Variants in DNAI3 observed in about 807,000 individuals in gnomAD.
DNAI3 encodes dynein axonemal intermediate chain 3, also known as WD repeat domain 63.
Under a neutral mutation model 115.5 loss-of-function variants are expected in DNAI3, and 83 were observed. That is an observed-to-expected ratio of 0.72 (90% CI 0.60 to 0.86). The LOEUF is 0.86. Ranked by LOEUF, DNAI3 falls within the 40% of genes least tolerant of loss-of-function variation. The pLI is 0.00. For missense variants in DNAI3, 1,004 were observed against 1,075.8 expected, an observed-to-expected ratio of 0.93 and a Z score of 0.93; for synonymous variants, 320 against 347.0, an observed-to-expected ratio of 0.92 and a Z score of 0.86.
At chr1:85,074,748 G>T (rs1469091881) in intron 3 of DNAI3, among the ~76,000 whole-genome samples, 1 of 152,162 alleles carries the variant, frequency 6.6e-6, no homozygotes, top group Non-Finnish European at 1.5e-5. Flanking sequence ...CACAGGGTTA[G>T]GTTCCTGTGA....
At chr1:85,070,889 GA>G (rs1654252979) in intron 1 of DNAI3, among the ~76,000 whole-genome samples, 1 of 152,094 alleles carries the variant, frequency 6.6e-6, no homozygotes, top group Non-Finnish European at 1.5e-5. Context: ...ATTCATATGA[GA>G]AAATCTAAAG....
intron 3 of DNAI3, among the ~76,000 whole-genome samples, chr1:85,078,065 G>A (rs1654514267): frequency 6.6e-6 from 1 of 152,112 alleles, no homozygotes; most frequent in Non-Finnish European, 1.5e-5. Flanking sequence ...GTGAATAACT[G>A]CCATTCACTG....
At chr1:85,072,372 G>A (rs771907329) in intron 2 of DNAI3, among the ~76,000 whole-genome samples, 1 of 152,188 alleles carries the variant, frequency 6.6e-6, no homozygotes, top group Non-Finnish European at 1.5e-5. Context: ...GGCTGGGCGC[G>A]GTGGTTCACG....
chr1:85,092,577 A>T (rs1332597679), intron 8 of DNAI3, among the ~76,000 whole-genome samples: 6 of 152,152 alleles, frequency 3.9e-5, no homozygotes, highest in African/African-American at 1.4e-4. Context: ...AAGGGACAAT[A>T]ACTATCATAG....
intron 16 of DNAI3, among the ~76,000 whole-genome samples, chr1:85,112,849 A>C (rs565425912): frequency 2.6e-5 from 4 of 152,208 alleles, no homozygotes; most frequent in Non-Finnish European, 2.9e-5. Flanking sequence ...GGCACACTGC[A>C]ACCTCTGCCT....
intron 22 of DNAI3, among the ~76,000 whole-genome samples, chr1:85,131,841 T>A (rs1194304844): frequency 6.6e-6 from 1 of 152,184 alleles, no homozygotes; most frequent in African/African-American, 2.4e-5. Flanking sequence ...AATCCAAAAA[T>A]AATTTGCATG....
intron 3 of DNAI3, among the ~76,000 whole-genome samples, chr1:85,075,498 C>T (rs1025270269): frequency 2.6e-5 from 4 of 152,274 alleles, no homozygotes; most frequent in African/African-American, 9.6e-5. Flanking sequence ...CCTCAAGCCT[C>T]TTTCTACCCC....
chr1:85,063,602 A>G (rs1255941099), intron 1 of DNAI3, among the ~76,000 whole-genome samples: 1 of 152,222 alleles, frequency 6.6e-6, no homozygotes, highest in Non-Finnish European at 1.5e-5. Flanking sequence ...CAGCAAAATC[A>G]AAGGAGGTCC....
intron 7 of DNAI3, among the ~76,000 whole-genome samples, chr1:85,086,677 C>T (rs562726621): frequency 1.2e-4 from 18 of 152,188 alleles, no homozygotes; most frequent in African/African-American, 4.1e-4. Context: ...GACCAAAAGC[C>T]TTGGATTTTG....
chr1:85,097,611 A>G lies in DNAI3; in HGVS notation c.1306A>G (p.Asn436Asp). The change falls in exon 12 of 23, where the codon AAC becomes GAC. Residue 436 changes from asparagine to aspartate, a missense_variant. Coordinates refer to ENST00000294664, the MANE Select transcript of DNAI3 (RefSeq NM_145172.5). ...DITAHADRIE[N>D]IKAGGSRSKR... The stretch of plus-strand genomic sequence containing the variant: ...CACCGCACATGCAGATCGCATAGAA[A>G]ACATTAAGGCAGGTGGTAGTAGAAG... 1 of 1,613,376 alleles carries G rather than the reference A, an allele frequency of 6.2e-7. No individual in the cohort carries two copies. Among genetic ancestry groups the G allele is most frequent in the Non-Finnish European group, 8.5e-7 (1 of 1,179,688 alleles).
At chr1:85,111,964 C>G (rs1214401255) in intron 16 of DNAI3, among the ~76,000 whole-genome samples, 1 of 152,186 alleles carries the variant, frequency 6.6e-6, no homozygotes, top group African/African-American at 2.4e-5. Flanking sequence ...TCCAGCACCT[C>G]CCTCACTCCC....
intron 16 of DNAI3, among the ~76,000 whole-genome samples, chr1:85,115,360 A>G (rs148013008): frequency 2.0e-4 from 30 of 152,314 alleles, no homozygotes; most frequent in African/African-American, 7.2e-4. Context: ...GCCTCAGTTT[A>G]CTCATCCTTG....
intron 13 of DNAI3, among the ~76,000 whole-genome samples, chr1:85,102,750 A>G (rs1022940799): frequency 4.9e-4 from 75 of 152,326 alleles, no homozygotes; most frequent in Middle Eastern, 3.4e-3. Context: ...GTATCTCTAG[A>G]TACAAAATTA....
chr1:85,077,342 T>C (rs578021655), intron 3 of DNAI3, among the ~76,000 whole-genome samples: 2 of 152,186 alleles, frequency 1.3e-5, no homozygotes, highest in South Asian at 4.1e-4. Flanking sequence ...TAAAACCAAA[T>C]ATTCTAAAAC....
At chr1:85,122,114 T>C (rs934952009) in intron 18 of DNAI3, among the ~76,000 whole-genome samples, 23 of 152,234 alleles carry the variant, frequency 1.5e-4, no homozygotes, top group South Asian at 2.1e-4. Context: ...CTGACCTATA[T>C]GTTGCTTAAA....
At chr1:85,066,520 G>A (rs906277565) in intron 1 of DNAI3, among the ~76,000 whole-genome samples, 6 of 151,668 alleles carry the variant, frequency 4.0e-5, no homozygotes, top group Non-Finnish European at 7.4e-5. Flanking sequence ...ATAGAGACGG[G>A]GGTTTCACTG....
intron 4 of DNAI3, among the ~76,000 whole-genome samples, chr1:85,081,763 T>A (rs1376429526): frequency 2.6e-5 from 4 of 152,206 alleles, no homozygotes; most frequent in Admixed American, 1.3e-4. Context: ...TCCTCCCGTT[T>A]CAGCCTCCTG....
Position 85,073,077 on chromosome 1 carries a change from A to G in DNAI3, c.88A>G (p.Asn30Asp). 1 of 1,553,446 alleles carries G rather than the reference A, an allele frequency of 6.4e-7. No homozygotes were observed. Among genetic ancestry groups the G allele is most frequent in the South Asian group, 1.3e-5 (1 of 77,842 alleles). The change falls in exon 3 of 23, where the codon AAT becomes GAT. Residue 30 changes from asparagine (N) to aspartate (D), a missense_variant. Physicochemically the swap from Asn to Asp is conservative, Grantham distance 23. Around this residue, in one of 3 missense-constraint regions of DNAI3, gnomAD observed 550 missense variants for 568.1 expected, o/e 0.97. Transcript: ENST00000294664. ...AGCTAGTGAAGACATGGAACCAGTAAATATGGAGAGCATGGGTAAGTGGAA... is the reference window on the plus strand; with the variant it reads ...AGCTAGTGAAGACATGGAACCAGTAGATATGGAGAGCATGGGTAAGTGGAA... Reference protein sequence around the residue: ...LAASEDMEPVNMESMGHPEIY... With the variant: ...LAASEDMEPVDMESMGHPEIY...
In DNAI3 at chr1:85,108,006, TA is replaced by T; in HGVS notation, c.1554-21del. 3 of 1,431,056 alleles carry T rather than the reference TA, an allele frequency of 2.1e-6. No homozygotes were observed. The South Asian group carries it at 4.4e-5, about 21-fold the overall frequency. 88.6% of individuals were successfully genotyped at this position (1,431,056 alleles called of 1,614,324 possible). A position where few individuals can be genotyped will look rare whatever the true frequency, so the allele number is the denominator to read the frequency against. ...GGCTGCACCTCTTGTTTGTACTTAA[TA>T]AAAAATATATATAAATTTTTTTTAG... On this transcript the variant is annotated intron_variant, in intron 14 of 22. Coordinates refer to ENST00000294664, the MANE Select transcript of DNAI3 (RefSeq NM_145172.5).
Sources: gnomAD v4.1 joint callset for allele counts (sites outside exome capture counted in the v4.1 genomes callset) on GRCh38, gnomAD v4.1.1 for gene constraint, gnomAD v4.1.1 regional missense constraint, MANE v1.5 for transcripts, NCBI Gene and HGNC (gene_info 2026-07-23, HGNC 2026-07-21) for gene names.